Variants in RMI1 observed in about 807,000 individuals in gnomAD.
RMI1 encodes recQ-mediated genome instability protein 1.
Under a neutral mutation model 46.7 loss-of-function variants are expected in RMI1, and 36 were observed. The ratio of observed to expected loss-of-function variants is 0.77; its 90% confidence interval spans 0.59 to 1.02. RMI1 has a LOEUF of 1.02. Among genes scored for constraint, RMI1 ranks in the 50% least tolerant of loss-of-function variants. RMI1 has a pLI of 0.00. For missense variants in RMI1, 676 were observed against 713.7 expected (o/e 0.95, Z 0.60); for synonymous variants, 250 against 252.9 (o/e 0.99, Z 0.11).
chr9:83,990,840 T>C (rs987253909), intron 1 of RMI1, among the ~76,000 whole-genome samples: 1 of 152,092 alleles, frequency 6.6e-6, no homozygotes, highest in African/African-American at 2.4e-5. Flanking sequence ...GGAGTTTTGC[T>C]CTTGTTGCCC....
At position 84,001,234 on chromosome 9, in the gene RMI1, G is replaced by A. The variant is rs1957731423; in HGVS notation, c.248G>A (p.Gly83Glu). The change falls in exon 3 of 3, where the codon GGA (glycine) becomes GAA (glutamate). Residue 83 changes from glycine to glutamate, a missense_variant. Physicochemically the swap from Gly to Glu is moderately conservative, Grantham distance 98 (BLOSUM62 -2). Transcript: ENST00000445877. The part of the protein sequence containing the change: ...ILEIPKGELN[G>E]FYALQINSLV... ...GAAATTCCAAAAGGAGAATTAAATG[G>A]ATTTTATGCTCTGCAGATTAATTCC... 1 of 1,613,968 alleles carries A rather than the reference G, an allele frequency of 6.2e-7. No individual in the cohort carries two copies. Among genetic ancestry groups the A allele is most frequent in the African/African-American group, 1.3e-5 (1 of 74,914 alleles).
rs373651916 is a variant in RMI1, at chr9:84,001,057, C to T, written c.71C>T (p.Pro24Leu). Residue 24 changes from proline to leucine, a missense_variant, in exon 3 of 3, where the codon CCG becomes CTG. By Grantham distance (98) the Pro-to-Leu change is moderately conservative (BLOSUM62 -3). Coordinates refer to ENST00000445877, the MANE Select transcript of RMI1 (RefSeq NM_001358291.2). ...GCTGCATGGCATGTTAAAGTACCTC[C>T]GATGTGGCTGGAAGCTTGTATTAAC... ...LLAAWHVKVP[P>L]MWLEACINWI... The T allele has an allele frequency of 8.4e-5, 135 of 1,613,782 alleles. 1 individual carries two copies. The Admixed American group carries it at 1.6e-3, about 19-fold the overall frequency.
chr9:83,986,290 A>G (rs759051488), intron 1 of RMI1, among the ~76,000 whole-genome samples: 4 of 152,200 alleles, frequency 2.6e-5, no homozygotes, highest in African/African-American at 4.8e-5. Flanking sequence ...TTTAGAATGC[A>G]TTAGATGGGC....
rs112455581 is a variant in RMI1 at position 84,001,986 on chromosome 9, A to G, written c.1000A>G (p.Lys334Glu). 7,327 of 1,614,104 alleles carry G rather than the reference A, an allele frequency of 4.5e-3. 26 individuals carry two copies. The highest frequency in any genetic ancestry group is 5.6e-3 in the Non-Finnish European group (6,637 of 1,179,968). ...TGTCCAGAAAGAACAGATGGAAACT[A>G]AGGAATTGCAACCATTGACTTTTAA... Reference protein sequence around the residue: ...ETVQKEQMETKELQPLTFNRN... With the variant: ...ETVQKEQMETEELQPLTFNRN... Residue 334 changes from lysine to glutamate, a missense_variant, in exon 3 of 3, where the codon AAG becomes GAG. By Grantham distance (56) the Lys-to-Glu change is moderately conservative. Coordinates refer to ENST00000445877, the MANE Select transcript of RMI1 (RefSeq NM_001358291.2).
At chr9:83,980,456 A>G (rs1957342857), upstream of RMI1, 1 of 152,716 alleles carries the variant, frequency 6.5e-6, no homozygotes, top group South Asian at 2.1e-4. Context: ...GGGAGCCCCA[A>G]CCCTTACCCG....
intron 1 of RMI1, among the ~76,000 whole-genome samples, chr9:83,988,254 G>C (rs1957520946): frequency 6.6e-6 from 1 of 152,118 alleles, no homozygotes; most frequent in Non-Finnish European, 1.5e-5. Flanking sequence ...TGCATTGCTG[G>C]GTTGTATGGT....
In RMI1 at chr9:84,001,537, C is replaced by A; in HGVS notation, c.551C>A (p.Pro184Gln). 5 of 1,613,660 alleles carry A rather than the reference C, an allele frequency of 3.1e-6. No individual in the cohort carries two copies. The highest frequency in any genetic ancestry group is 2.2e-5 in the South Asian group (2 of 91,070). The change falls in exon 3 of 3, where the codon CCA becomes CAA. Residue 184 changes from proline to glutamine, a missense_variant. Physicochemically the swap from Pro to Gln is moderately conservative, Grantham distance 76. Transcript: ENST00000445877. ...SFRLGVLLLK[P>Q]ENVKVLGGEV... ...CGTCTTGGTGTTCTCTTATTGAAACCAGAAAACGTGAAAGTGTTAGGAGGT... is the reference window on the plus strand; with the variant it reads ...CGTCTTGGTGTTCTCTTATTGAAACAAGAAAACGTGAAAGTGTTAGGAGGT...
At position 84,002,158 on chromosome 9, in the gene RMI1, G is replaced by T; in HGVS notation, c.1172G>T (p.Cys391Phe). Residue 391 changes from cysteine to phenylalanine, a missense_variant, in exon 3 of 3, where the codon TGT (cysteine) becomes TTT (phenylalanine). Physicochemically the swap from Cys to Phe is radical, Grantham distance 205 (BLOSUM62 -2). Coordinates refer to ENST00000445877, the MANE Select transcript of RMI1 (RefSeq NM_001358291.2). ...ACTAATGAAGACAAATCATTTGGTTGTCCATCTGTTAGAGACCAAAACAGG... is the reference window on the plus strand; with the variant it reads ...ACTAATGAAGACAAATCATTTGGTTTTCCATCTGTTAGAGACCAAAACAGG... ...QMTNEDKSFG[C>F]PSVRDQNRSI... 6.2e-7 allele frequency: 1 copy of T among 1,613,682 alleles called. No homozygotes were observed. The highest frequency in any genetic ancestry group is 8.5e-7 in the Non-Finnish European group (1 of 1,179,810).
chr9:83,986,028 C>T (rs1181324976), intron 1 of RMI1, among the ~76,000 whole-genome samples: 8 of 151,574 alleles, frequency 5.3e-5, no homozygotes, highest in Admixed American at 4.6e-4. Flanking sequence ...AAAACAATAG[C>T]ATATACCAGG....
intron 1 of RMI1, among the ~76,000 whole-genome samples, chr9:83,981,438 C>G (rs922361549): frequency 6.6e-6 from 1 of 152,234 alleles, no homozygotes; most frequent in South Asian, 2.1e-4. Flanking sequence ...AAACCCTTGC[C>G]CTCAAACGTG....
At chr9:83,993,940 C>T (rs1021127929) in intron 1 of RMI1, among the ~76,000 whole-genome samples, 8 of 138,248 alleles carry the variant, frequency 5.8e-5, no homozygotes, top group African/African-American at 2.1e-4. Flanking sequence ...CCACCATGCC[C>T]GGCTAATTTT....
rs1564085099 is a variant in RMI1, at chr9:84,001,057, CGATGTGGCT to C, written c.73_81del (p.Met25_Leu27del). 6.2e-7 allele frequency: 1 copy of C among 1,613,900 alleles called. No individual in the cohort carries two copies. The highest frequency in any genetic ancestry group is 2.2e-5 in the East Asian group (1 of 44,870). The stretch of plus-strand genomic sequence containing the variant: ...GCTGCATGGCATGTTAAAGTACCTC[CGATGTGGCT>C]GGAAGCTTGTATTAACTGGATTCAA... On this transcript the variant is annotated inframe_deletion, in exon 3 of 3. Coordinates refer to ENST00000445877, the MANE Select transcript of RMI1 (RefSeq NM_001358291.2).
At chr9:83,983,045 G>C (rs1957442867) in intron 1 of RMI1, among the ~76,000 whole-genome samples, 1 of 152,170 alleles carries the variant, frequency 6.6e-6, no homozygotes, top group African/African-American at 2.4e-5. Flanking sequence ...TTACTTAGAT[G>C]GGGGATTTAC....
At position 84,001,028 on chromosome 9, in the gene RMI1, T is replaced by G; in HGVS notation, c.42T>G (p.Leu14=). The G allele has an allele frequency of 6.2e-7, 1 of 1,613,164 alleles. No individual in the cohort carries two copies. Among genetic ancestry groups the G allele is most frequent in the Non-Finnish European group, 8.5e-7 (1 of 1,179,574 alleles). ...TSIALRAETW[L]LAAWHVKVPP... ...TTGCATTAAGAGCTGAAACTTGGCT[T>G]TTAGCTGCATGGCATGTTAAAGTAC... Residue 14 remains leucine, a synonymous_variant, in exon 3 of 3, where the codon CTT becomes CTG. Coordinates refer to ENST00000445877, the MANE Select transcript of RMI1 (RefSeq NM_001358291.2).
In RMI1 at chr9:83,996,026, G is replaced by A. The variant is rs1005264688; in HGVS notation, c.-125-3683G>A. Among the ~76,000 whole-genome samples, 26 of 152,074 alleles carry A rather than the reference G, an allele frequency of 1.7e-4. 1 individual carries two copies. The highest frequency in any genetic ancestry group is 1.7e-3 in the Admixed American group (26 of 15,272). On this transcript the variant is annotated intron_variant, in intron 1 of 2. Transcript: ENST00000445877. ...CTGTCTTCAGGTGTAAATTCTATTTGCTCTGTCTGCTGATTGGTAGTAATT... is the reference window on the plus strand; with the variant it reads ...CTGTCTTCAGGTGTAAATTCTATTTACTCTGTCTGCTGATTGGTAGTAATT...
At chr9:83,994,514 G>A (rs1957621883) in intron 1 of RMI1, among the ~76,000 whole-genome samples, 1 of 152,024 alleles carries the variant, frequency 6.6e-6, no homozygotes, top group South Asian at 2.1e-4. Context: ...CTTTTACATG[G>A]GCATGTCCAG....
Position 84,001,877 on chromosome 9 carries a change from G to A in RMI1, c.891G>A (p.Glu297=), listed in dbSNP as rs763313236. ...TTGTTATTTCTCCAAGACCAAAAGA[G>A]GAACCATCAAACCTATCTATACATG... is the stretch of plus-strand genomic sequence containing the variant. The part of the protein sequence containing the change: ...PEFVISPRPK[E]EPSNLSIHVM... The change falls in exon 3 of 3, where the codon GAG becomes GAA. Residue 297 remains glutamate, a synonymous_variant. Coordinates refer to ENST00000445877, the MANE Select transcript of RMI1 (RefSeq NM_001358291.2). 5.0e-6 allele frequency: 8 copies of A among 1,613,882 alleles called. No homozygotes were observed. Among genetic ancestry groups the A allele is most frequent in the Non-Finnish European group, 6.8e-6 (8 of 1,179,962 alleles).
intron 1 of RMI1, among the ~76,000 whole-genome samples, chr9:83,983,176 T>A (rs1333712706): frequency 6.6e-6 from 1 of 152,262 alleles, no homozygotes; most frequent in Non-Finnish European, 1.5e-5. Flanking sequence ...GCTGGCAGTT[T>A]AATACTTTTT....
At chr9:83,987,496 T>C (rs1372495951) in intron 1 of RMI1, among the ~76,000 whole-genome samples, 2 of 152,240 alleles carry the variant, frequency 1.3e-5, no homozygotes, top group Non-Finnish European at 1.5e-5. Flanking sequence ...AGTTTTTTAA[T>C]TGGAGTATAA....
Sources: allele counts gnomAD v4.1 joint callset (sites outside exome capture counted in the v4.1 genomes callset), GRCh38; gene constraint gnomAD v4.1.1; transcripts MANE v1.5; gene names NCBI Gene and HGNC (gene_info 2026-07-23, HGNC 2026-07-21).